DNAJC10: variants seen among roughly 807,000 people sequenced by gnomAD.
DNAJC10 encodes the protein endoplasmic reticulum disulfide reductase DNAJC10.
In DNAJC10, 101 loss-of-function variants were observed where a neutral mutation model predicts 115.0. The ratio of observed to expected loss-of-function variants is 0.88; its 90% confidence interval spans 0.75 to 1.04. The LOEUF is 1.04. DNAJC10 is among the 50% of genes least tolerant of loss of function. The probability of loss-of-function intolerance (pLI) is 0.00; values close to 1 mark genes in which losing one functional copy is unlikely to be tolerated. For missense variants in DNAJC10, 981 were observed against 928.8 expected (o/e 1.06, Z -0.73); for synonymous variants, 307 against 301.5 (o/e 1.02, Z -0.19).
rs1693212702 is a variant in DNAJC10, at chr2:182,723,683, TACAG to T, written c.418+1610_418+1613del. 3.3e-5 allele frequency among the ~76,000 whole-genome samples: 5 copies of T among 152,288 alleles called. No homozygotes were observed. The South Asian group carries it at 6.2e-4, about 19-fold the overall frequency. ...CCAATGGTTCAGAAAACATCGGAAT[TACAG>T]ATAGAGGAACTGAACAAAACTTGCA... On this transcript the variant is annotated intron_variant, in intron 5 of 23. Coordinates refer to ENST00000264065, the MANE Select transcript of DNAJC10 (RefSeq NM_018981.4).
Position 182,777,847 on chromosome 2 carries a change from C to A in DNAJC10, c.*715C>A, listed in dbSNP as rs114629112. ...GAAACAGTGCAGCAGTATATGTGCA[C>A]ACAGTAAGTACACAAATTTGAGCAA... On this transcript the variant is annotated 3_prime_UTR_variant, in exon 24 of 24. Transcript: ENST00000264065. The A allele has an allele frequency of 1.3e-5, 2 of 152,058 alleles. No individual in the cohort carries two copies. The highest frequency in any genetic ancestry group is 4.8e-5 in the African/African-American group (2 of 41,398). 9.4% of individuals were successfully genotyped at this position (152,058 alleles called of 1,614,324 possible).
chr2:182,761,103 TGAAAA>T (rs1270166716), intron 21 of DNAJC10, among the ~76,000 whole-genome samples: 2 of 151,914 alleles, frequency 1.3e-5, no homozygotes, highest in African/African-American at 4.8e-5. Flanking sequence ...AAAAGGAAGA[TGAAAA>T]GAAAGAAATT....
chr2:182,721,984 G>C (rs1375976316), intron 4 of DNAJC10, 41 bp from the exon 5 acceptor site: 1 of 1,163,110 alleles, frequency 8.6e-7, no homozygotes, highest in East Asian at 2.7e-5. Context: ...TTTATATGGT[G>C]AAGTTTTGAT....
Position 182,757,678 on chromosome 2 carries a change from T to C in DNAJC10, c.1810-14T>C. The C allele has an allele frequency of 6.7e-7, 1 of 1,502,744 alleles. No individual in the cohort carries two copies. Among genetic ancestry groups the C allele is most frequent in the Non-Finnish European group, 8.9e-7 (1 of 1,126,882 alleles). 93.1% of individuals were successfully genotyped at this position (1,502,744 alleles called of 1,614,324 possible). A position where few individuals can be genotyped will look rare whatever the true frequency, so the allele number is the denominator to read the frequency against. ...GTAAAAAGTTATGGAGGTAATCTGT[T>C]TTTTCTTTTACAGACATTAACTGGA... On this transcript the variant is annotated splice_polypyrimidine_tract_variant and intron_variant, in intron 18 of 23. Transcript: ENST00000264065.
chr2:182,724,057 A>G (rs903925696), intron 5 of DNAJC10, among the ~76,000 whole-genome samples: 1 of 152,208 alleles, frequency 6.6e-6, no homozygotes, highest in Admixed American at 6.5e-5. Context: ...CTCTTCTATT[A>G]TATGCAGCAT....
At chr2:182,718,428 A>G in intron 3 of DNAJC10, 138 bp downstream of exon 3, 1 of 741,382 alleles carries the variant, frequency 1.3e-6, no homozygotes, top group Non-Finnish European at 2.0e-6. Flanking sequence ...TGCTAGAAAC[A>G]AAAGCACCAA....
chr2:182,724,104 T>C (rs989557930), intron 5 of DNAJC10, among the ~76,000 whole-genome samples: 6 of 152,182 alleles, frequency 3.9e-5, no homozygotes, highest in Non-Finnish European at 5.9e-5. Flanking sequence ...ACAGCTACTG[T>C]AAACTCTGAA....
Position 182,728,872 on chromosome 2 carries a change from T to C in DNAJC10, c.511T>C (p.Phe171Leu). 1 of 1,614,072 alleles carries C rather than the reference T, an allele frequency of 6.2e-7. No individual in the cohort carries two copies. The highest frequency in any genetic ancestry group is 8.5e-7 in the Non-Finnish European group (1 of 1,179,986). ...TCTTTTTCTGTCATAGTGGAGAGAC[T>C]TTGCTAAAGAAGTGGATGGGTTACT... ...CHDLAPTWRD[F>L]AKEVDGLLRI... The change falls in exon 7 of 24, where the codon TTT becomes CTT. Residue 171 changes from phenylalanine (F) to leucine (L), a missense_variant. Physicochemically the swap from Phe to Leu is conservative, Grantham distance 22. Coordinates refer to ENST00000264065, the MANE Select transcript of DNAJC10 (RefSeq NM_018981.4).
At chr2:182,761,841 C>G (rs1317797030) in intron 21 of DNAJC10, among the ~76,000 whole-genome samples, 7 of 151,864 alleles carry the variant, frequency 4.6e-5, no homozygotes, top group African/African-American at 1.7e-4. Context: ...GATTGTTGAT[C>G]AAAGATGGAA....
chr2:182,787,498 TAA>T lies in DNAJC10; in HGVS notation c.*10367_*10368del, dbSNP rs1694969095. 2.0e-5 allele frequency: 3 copies of T among 152,244 alleles called. No homozygotes were observed. The South Asian group carries it at 6.2e-4, about 31-fold the overall frequency. The allele number at this position is 152,244 out of a possible 1,614,324, so 9.4% of individuals were successfully genotyped here. On this transcript the variant is annotated 3_prime_UTR_variant, in exon 24 of 24. Transcript: ENST00000264065. Reference sequence around the variant, plus strand: ...AACTGCCTACCAAAGCCACAGACTTTAAGTCTTTGCAGGATTACCACTGAAAG... The same window carrying T: ...AACTGCCTACCAAAGCCACAGACTTTGTCTTTGCAGGATTACCACTGAAAG...
At position 182,716,818 on chromosome 2, in the gene DNAJC10, G is replaced by A. The variant is rs111837343; in HGVS notation, c.-203-198G>A. On this transcript the variant is annotated intron_variant, in intron 1 of 23. Transcript: ENST00000264065. Reference sequence around the variant, plus strand: ...CAGTGATGGCAATGCGAAAGCTTGCGCCTTGCATTTACCTGGCGCTTCCAC... The same window carrying A: ...CAGTGATGGCAATGCGAAAGCTTGCACCTTGCATTTACCTGGCGCTTCCAC... Among the ~76,000 whole-genome samples the A allele has an allele frequency of 7.0e-4, 106 of 152,220 alleles. 1 individual carries two copies. The highest frequency in any genetic ancestry group is 2.5e-3 in the African/African-American group (104 of 41,542).
chr2:182,720,421 A>G (rs1260582698), intron 4 of DNAJC10, among the ~76,000 whole-genome samples: 1 of 152,206 alleles, frequency 6.6e-6, no homozygotes, highest in African/African-American at 2.4e-5. Context: ...AAAAATATGC[A>G]TTCATGGACT....
At position 182,720,056 on chromosome 2, in the gene DNAJC10, A is replaced by G; in HGVS notation, c.254A>G (p.Glu85Gly). 3 of 1,599,164 alleles carry G rather than the reference A, an allele frequency of 1.9e-6. No individual in the cohort carries two copies. The highest frequency in any genetic ancestry group is 1.7e-6 in the Non-Finnish European group (2 of 1,166,922). ...TTTTTAAAAATAAATAGAGCATATG[A>G]AGTACTCAAAGATGAAGATCTACGG... ...GDFLKINRAY[E>G]VLKDEDLRKK... The change falls in exon 4 of 24, where the codon GAA becomes GGA. Residue 85 changes from glutamate to glycine, a missense_variant. By Grantham distance (98) the Glu-to-Gly change is moderately conservative. Transcript: ENST00000264065.
chr2:182,757,831 T>A lies in DNAJC10; in HGVS notation c.1943+6T>A. ...AATAAAGCTTATCATTATCAGTAAGTATTCTCTCATATTTGAAGACATTTA... is the reference window on the plus strand; with the variant it reads ...AATAAAGCTTATCATTATCAGTAAGAATTCTCTCATATTTGAAGACATTTA... On this transcript the variant is annotated splice_donor_region_variant and intron_variant, in intron 19 of 23. Coordinates refer to ENST00000264065, the MANE Select transcript of DNAJC10 (RefSeq NM_018981.4). 7.3e-7 allele frequency: 1 copy of A among 1,368,374 alleles called. No homozygotes were observed. Among genetic ancestry groups the A allele is most frequent in the Non-Finnish European group, 1.0e-6 (1 of 980,370 alleles). The allele number at this position is 1,368,374 out of a possible 1,614,324, so 84.8% of individuals were successfully genotyped here. A position where few individuals can be genotyped will look rare whatever the true frequency, so the allele number is the denominator to read the frequency against.
chr2:182,759,135 A>C lies in DNAJC10; in HGVS notation c.1998-25A>C, dbSNP rs753805888. The C allele has an allele frequency of 1.9e-6, 3 of 1,556,010 alleles. No individual in the cohort carries two copies. The South Asian group carries it at 3.6e-5, about 19-fold the overall frequency. On this transcript the variant is annotated intron_variant, in intron 20 of 23. Transcript: ENST00000264065. ...GTTTGCTTTGGTTTTATATAATGAA[A>C]AATGATTTTGATCATTTGCCACAGA... is the stretch of plus-strand genomic sequence containing the variant.
At chr2:182,767,887 G>GT (rs1017265816) in intron 22 of DNAJC10, among the ~76,000 whole-genome samples, 9 of 152,238 alleles carry the variant, frequency 5.9e-5, no homozygotes, top group African/African-American at 1.7e-4. Flanking sequence ...TCCGTATCCT[G>GT]TTTTTAGGGT....
intron 16 of DNAJC10, chr2:182,752,686 G>A (rs1182333943): frequency 5.4e-5 from 19 of 349,996 alleles, no homozygotes; most frequent in African/African-American, 9.6e-5. Context: ...ATGAAAGTAC[G>A]TAATATCACG....
intron 14 of DNAJC10, 54 bp downstream of exon 14, chr2:182,743,766 G>C: frequency 7.8e-7 from 1 of 1,276,646 alleles, no homozygotes; most frequent in Non-Finnish European, 1.1e-6. Context: ...TCAAATAGAA[G>C]TTTTCTAATT....
chr2:182,749,608 C>T (rs1366331272), intron 14 of DNAJC10, among the ~76,000 whole-genome samples: 2 of 151,712 alleles, frequency 1.3e-5, no homozygotes, highest in Non-Finnish European at 2.9e-5. Context: ...GACTCTTTAT[C>T]CAATTTGCCA....
Sources: gnomAD v4.1 joint callset for allele counts (sites outside exome capture counted in the v4.1 genomes callset) on GRCh38, gnomAD v4.1.1 for gene constraint, MANE v1.5 for transcripts, NCBI Gene and HGNC (gene_info 2026-07-23, HGNC 2026-07-21) for gene names.